Variants in CNIH3 observed in about 807,000 individuals in gnomAD.
CNIH3 encodes cornichon family AMPA receptor auxiliary protein 3.
A neutral mutation model predicts 24.1 loss-of-function variants in CNIH3; 14 were observed. That is an observed-to-expected ratio of 0.58 (90% CI 0.38 to 0.91). The LOEUF (loss-of-function observed/expected upper bound fraction) is 0.91. Ranked by LOEUF, CNIH3 falls within the 40% of genes least tolerant of loss-of-function variation. The probability of loss-of-function intolerance (pLI) is 0.00; values close to 1 mark genes in which losing one functional copy is unlikely to be tolerated. For missense variants in CNIH3, 178 were observed against 196.8 expected (o/e 0.90, Z 0.57); for synonymous variants, 68 against 73.8 (o/e 0.92, Z 0.40).
rs910012422 is a variant in CNIH3, at chr1:224,740,526, A to T, written c.*1170A>T. 4.6e-5 allele frequency: 7 copies of T among 152,226 alleles called. No individual in the cohort carries two copies. The highest frequency in any genetic ancestry group is 1.7e-4 in the African/African-American group (7 of 41,442). 9.4% of individuals were successfully genotyped at this position (152,226 alleles called of 1,614,324 possible). ...TTTGTGTAGCAACACATTGTGTGCT[A>T]TGTTTATTAAAATGCAGCGACAACT... On this transcript the variant is annotated 3_prime_UTR_variant, in exon 6 of 6. Transcript: ENST00000272133.
intron 2 of CNIH3, among the ~76,000 whole-genome samples, chr1:224,543,332 G>T (rs950270989): frequency 2.0e-5 from 3 of 152,112 alleles, no homozygotes; most frequent in Non-Finnish European, 4.4e-5. Flanking sequence ...GCCTGCTTCG[G>T]ATTTGTATCC....
intron 1 of CNIH3, among the ~76,000 whole-genome samples, chr1:224,456,894 G>C (rs1036071102): frequency 2.6e-5 from 4 of 152,264 alleles, no homozygotes; most frequent in African/African-American, 9.6e-5. Flanking sequence ...GAAGAGGCTT[G>C]TGTGGGAGTC....
At position 224,568,065 on chromosome 1, in the gene CNIH3, G is replaced by A. The variant is rs982690242; in HGVS notation, n.516+1801G>A. On this transcript the variant is annotated intron_variant and non_coding_transcript_variant, in intron 4 of 5. Coordinates refer to the CNIH3 transcript ENST00000471578. ...CCAGCACTTTGGGAGGACAAGGCGG[G>A]CGGATCACGAGGTCAGGAGATCAAG... is the stretch of plus-strand genomic sequence containing the variant. Among the ~76,000 whole-genome samples, 11 of 152,310 alleles carry A rather than the reference G, an allele frequency of 7.2e-5. No homozygotes were observed. In the East Asian group the frequency reaches 1.9e-3, roughly 27 times the overall value.
intron 1 of CNIH3, among the ~76,000 whole-genome samples, chr1:224,478,954 C>T (rs1037135047): frequency 4.6e-5 from 7 of 152,042 alleles, no homozygotes; most frequent in African/African-American, 1.7e-4. Flanking sequence ...GTCACAAGAA[C>T]GGCATGGGAA....
Position 224,734,719 on chromosome 1 carries a change from C to G in CNIH3, c.455+13C>G. ...ACTACCTTTACTGGTGAGTATCTGC[C>G]CCTCCTGGTGGTTTTGACTCCTGCA... On this transcript the variant is annotated intron_variant, in intron 5 of 5. Coordinates refer to ENST00000272133, the MANE Select transcript of CNIH3 (RefSeq NM_152495.2). The G allele has an allele frequency of 6.2e-7, 1 of 1,613,464 alleles. No homozygotes were observed. The highest frequency in any genetic ancestry group is 8.5e-7 in the Non-Finnish European group (1 of 1,179,462).
rs993820129 is a variant in CNIH3 at position 224,738,123 on chromosome 1, T to G, written c.456-1206T>G. On this transcript the variant is annotated intron_variant, in intron 5 of 5. Transcript: ENST00000272133. ...ATTCACCTCTGCGTCTGCAGTGTCC[T>G]GGCCCGTGCCTGGCACTCACTGAAT... 4.6e-5 allele frequency among the ~76,000 whole-genome samples: 7 copies of G among 152,360 alleles called. 1 individual carries two copies. Among genetic ancestry groups the G allele is most frequent in the Admixed American group, 4.6e-4 (7 of 15,300 alleles).
At chr1:224,658,002 C>T (rs1195639859) in intron 1 of CNIH3, among the ~76,000 whole-genome samples, 1 of 152,108 alleles carries the variant, frequency 6.6e-6, no homozygotes, top group East Asian at 1.9e-4. Context: ...ACATTAATAA[C>T]ACATTTATAT....
rs527704241 is a variant in CNIH3, at chr1:224,574,443, C to T, written n.516+8179C>T. The T allele has an allele frequency of 4.4e-5, 27 of 616,912 alleles. No individual in the cohort carries two copies. In the East Asian group the frequency reaches 7.2e-4, roughly 16 times the overall value. 38.2% of individuals were successfully genotyped at this position (616,912 alleles called of 1,614,324 possible). A position where few individuals can be genotyped will look rare whatever the true frequency, so the allele number is the denominator to read the frequency against. On this transcript the variant is annotated intron_variant and non_coding_transcript_variant, in intron 4 of 5. Coordinates refer to the CNIH3 transcript ENST00000471578. Reference sequence around the variant, plus strand: ...GGAGAGTGCAGCAGCCATGGCCAGCCACATTGTGCTCAACAATGGCACCAA... The same window carrying T: ...GGAGAGTGCAGCAGCCATGGCCAGCTACATTGTGCTCAACAATGGCACCAA...
intron 3 of CNIH3, among the ~76,000 whole-genome samples, chr1:224,718,400 T>C (rs964071678): frequency 7.9e-5 from 12 of 151,426 alleles, no homozygotes; most frequent in African/African-American, 2.9e-4. Flanking sequence ...TGGAGTGGAG[T>C]GAGCAGGGGA....
At chr1:224,507,924 C>T (rs748146033) in intron 1 of CNIH3, among the ~76,000 whole-genome samples, 28 of 152,330 alleles carry the variant, frequency 1.8e-4, no homozygotes, top group Middle Eastern at 3.4e-3. Flanking sequence ...TACCTGAGGG[C>T]AAGGGGTTAA....
chr1:224,540,118 G>A (rs895419422), downstream of CNIH3, among the ~76,000 whole-genome samples: 3 of 152,142 alleles, frequency 2.0e-5, no homozygotes, highest in African/African-American at 7.2e-5. Context: ...TTTCTTCACC[G>A]TAGCTAAAAG....
chr1:224,434,894 C>T (rs1674572367), intron 1 of CNIH3: 7 of 985,310 alleles, frequency 7.1e-6, no homozygotes, highest in Non-Finnish European at 7.2e-6. Flanking sequence ...TGTCACCCAG[C>T]ACGTGCATCG....
chr1:224,652,781 T>C (rs1451067148), intron 1 of CNIH3, among the ~76,000 whole-genome samples: 3 of 152,204 alleles, frequency 2.0e-5, no homozygotes, highest in Admixed American at 6.5e-5. Context: ...AAATCCAGGT[T>C]GCACGAATTG....
At chr1:224,734,418 G>A (rs1689490200) in intron 4 of CNIH3, 145 bp from the exon 5 acceptor site, 2 of 724,692 alleles carry the variant, frequency 2.8e-6, no homozygotes, top group Admixed American at 2.4e-5. Context: ...CCACTCTTCA[G>A]CGGTGCTTCA....
downstream of CNIH3, among the ~76,000 whole-genome samples, chr1:224,538,874 C>T (rs1383947163): frequency 7.2e-6 from 1 of 138,488 alleles, no homozygotes; most frequent in African/African-American, 2.8e-5. Flanking sequence ...TTTCATGTTG[C>T]TCAGGCTGGT....
intron 1 of CNIH3, among the ~76,000 whole-genome samples, chr1:224,465,111 CTT>C (rs547660025): frequency 2.6e-3 from 364 of 142,692 alleles, no homozygotes; most frequent in African/African-American, 8.4e-3. Flanking sequence ...TTAGAATTAT[CTT>C]TTTTTTTTTT....
chr1:224,616,336 C>A lies in CNIH3; in HGVS notation c.-839C>A. ...GTTCTCGCAGTGGCAAAGGCGGCGG[C>A]GGCGGCGGCGGCAGCGGCAGCAGCA... On this transcript the variant is annotated 5_prime_UTR_variant, in exon 1 of 6. Coordinates refer to ENST00000272133, the MANE Select transcript of CNIH3 (RefSeq NM_152495.2). 2.3e-6 allele frequency: 1 copy of A among 435,624 alleles called. No homozygotes were observed. Among genetic ancestry groups the A allele is most frequent in the Non-Finnish European group, 3.3e-6 (1 of 305,868 alleles). 27.0% of individuals were successfully genotyped at this position (435,624 alleles called of 1,614,324 possible). A position where few individuals can be genotyped will look rare whatever the true frequency, so the allele number is the denominator to read the frequency against.
intron 3 of CNIH3, among the ~76,000 whole-genome samples, chr1:224,559,354 G>T (rs530997339): frequency 6.6e-6 from 1 of 152,118 alleles, no homozygotes; most frequent in South Asian, 2.1e-4. Context: ...TGTTTTGCTG[G>T]GTTTTTCACT....
chr1:224,577,731 A>G (rs1372427043), intron 4 of CNIH3, among the ~76,000 whole-genome samples: 1 of 152,202 alleles, frequency 6.6e-6, no homozygotes. Context: ...TACCCAGAGG[A>G]AAATAAGTCA....
Sources: gnomAD v4.1 joint callset for allele counts (sites outside exome capture counted in the v4.1 genomes callset) on GRCh38, gnomAD v4.1.1 for gene constraint, MANE v1.5 for transcripts, NCBI Gene and HGNC (gene_info 2026-07-23, HGNC 2026-07-21) for gene names.